PSD3: variants seen among roughly 807,000 people sequenced by gnomAD.
PSD3 encodes pleckstrin and Sec7 domain containing 3, also known as PH and SEC7 domain-containing protein 3.
Under a neutral mutation model 105.5 loss-of-function variants are expected in PSD3, and 49 were observed. That is an observed-to-expected ratio of 0.46 (90% CI 0.37 to 0.59). PSD3 has a LOEUF of 0.59. Among genes scored for constraint, PSD3 ranks in the 20% least tolerant of loss-of-function variants. PSD3 has a pLI of 0.00. For synonymous variants in PSD3, 557 were observed against 457.8 expected, an observed-to-expected ratio of 1.22 and a Z score of -2.77; for missense variants, 1,561 against 1,263.8, an observed-to-expected ratio of 1.24 and a Z score of -3.57.
chr8:18,774,512 T>C (rs975648968), intron 8 of PSD3: 1 of 251,692 alleles, frequency 4.0e-6, no homozygotes, highest in Non-Finnish European at 7.8e-6. Flanking sequence ...AACACCTTTT[T>C]TTTTCCTCCA....
chr8:19,070,216 T>C (rs897847534), intron 1 of PSD3, among the ~76,000 whole-genome samples: 9 of 152,114 alleles, frequency 5.9e-5, no homozygotes, highest in African/African-American at 2.2e-4. Flanking sequence ...GTCCTGTAGA[T>C]AGCATTCGTT....
chr8:18,599,845 T>A (rs967292756), intron 12 of PSD3, among the ~76,000 whole-genome samples: 1 of 152,176 alleles, frequency 6.6e-6, no homozygotes, highest in East Asian at 1.9e-4. Flanking sequence ...CATGGAGGGA[T>A]GACGGTATAC....
chr8:18,983,743 A>G (rs974530054), intron 1 of PSD3, among the ~76,000 whole-genome samples: 2 of 152,084 alleles, frequency 1.3e-5, no homozygotes, highest in South Asian at 4.1e-4. Flanking sequence ...TCATGCCTGT[A>G]ATCCTACCAT....
At chr8:18,627,980 GA>G (rs1806615529) in intron 11 of PSD3, among the ~76,000 whole-genome samples, 1 of 151,948 alleles carries the variant, frequency 6.6e-6, no homozygotes, top group African/African-American at 2.4e-5. Context: ...GAGAGAAACG[GA>G]AGATATAAAA....
chr8:18,828,652 A>G (rs1190446048), intron 4 of PSD3, among the ~76,000 whole-genome samples: 1 of 151,862 alleles, frequency 6.6e-6, no homozygotes, highest in African/African-American at 2.4e-5. Context: ...CAATCAATCA[A>G]TACAAAGAAA....
intron 10 of PSD3, among the ~76,000 whole-genome samples, chr8:18,646,367 G>C (rs113947491): frequency 0.018 from 2,669 of 152,116 alleles, 79 homozygotes; most frequent in African/African-American, 0.06. Context: ...AGGATATACA[G>C]TTATTTAATG....
chr8:18,982,694 T>A (rs142513183), intron 1 of PSD3, among the ~76,000 whole-genome samples: 1 of 152,328 alleles, frequency 6.6e-6, no homozygotes, highest in African/African-American at 2.4e-5. Flanking sequence ...AGTGATATTC[T>A]GAAATAAATA....
intron 2 of PSD3, among the ~76,000 whole-genome samples, chr8:18,905,975 T>C (rs1819821053): frequency 6.6e-6 from 1 of 152,166 alleles, no homozygotes; most frequent in Non-Finnish European, 1.5e-5. Flanking sequence ...GCAAAAACAA[T>C]TATAACAATA....
chr8:18,826,630 A>G (rs187999445), intron 4 of PSD3, among the ~76,000 whole-genome samples: 1 of 152,376 alleles, frequency 6.6e-6, no homozygotes, highest in African/African-American at 2.4e-5. Context: ...ATTTTGGAAC[A>G]TCTACTGTGT....
chr8:18,812,967 T>C (rs1181778814), intron 4 of PSD3, among the ~76,000 whole-genome samples: 1 of 152,050 alleles, frequency 6.6e-6, no homozygotes, highest in African/African-American at 2.4e-5. Flanking sequence ...CAGTTTTGCT[T>C]GTGGTGTGGA....
intron 9 of PSD3, among the ~76,000 whole-genome samples, chr8:18,731,176 A>AACCC (rs1249903219): frequency 6.6e-6 from 1 of 152,154 alleles, no homozygotes; most frequent in Non-Finnish European, 1.5e-5. Context: ...GAATCGCTTG[A>AACCC]ACCCGGGAAG....
At chr8:19,009,313 T>C (rs1826847023) in intron 1 of PSD3, among the ~76,000 whole-genome samples, 1 of 152,242 alleles carries the variant, frequency 6.6e-6, no homozygotes. Context: ...GCTCAGTTTC[T>C]GCAACACGCA....
intron 15 of PSD3, among the ~76,000 whole-genome samples, chr8:18,538,547 C>G (rs140957777): frequency 7.2e-5 from 11 of 152,220 alleles, no homozygotes; most frequent in African/African-American, 2.6e-4. Context: ...GTAAAATAGT[C>G]TAAAGGTAAG....
intron 1 of PSD3, among the ~76,000 whole-genome samples, chr8:18,936,573 C>T (rs1395212977): frequency 6.6e-6 from 1 of 152,100 alleles, no homozygotes; most frequent in African/African-American, 2.4e-5. Context: ...ACCAGCCTGA[C>T]CTACATGGTG....
intron 11 of PSD3, among the ~76,000 whole-genome samples, chr8:18,622,528 T>G (rs978624574): frequency 1.3e-5 from 2 of 152,212 alleles, no homozygotes; most frequent in Non-Finnish European, 2.9e-5. Flanking sequence ...ATTGATTACC[T>G]CTGTAGTTTT....
intron 8 of PSD3, among the ~76,000 whole-genome samples, chr8:18,788,119 T>C (rs767888573): frequency 1.4e-3 from 219 of 152,266 alleles, no homozygotes; most frequent in Middle Eastern, 6.8e-3. Context: ...CCCCTTGTCT[T>C]AAAGAAAACC....
At chr8:18,782,084 T>C (rs1808689105) in intron 8 of PSD3, among the ~76,000 whole-genome samples, 1 of 152,168 alleles carries the variant, frequency 6.6e-6, no homozygotes, top group Non-Finnish European at 1.5e-5. Context: ...GATGGTGAAA[T>C]GTTTCTTTGC....
intron 2 of PSD3, among the ~76,000 whole-genome samples, chr8:18,885,801 T>C (rs1483459855): frequency 6.6e-6 from 1 of 152,182 alleles, no homozygotes; most frequent in Admixed American, 6.5e-5. Context: ...GAGAGAGAAA[T>C]AAATCTTGAA....
intron 8 of PSD3, among the ~76,000 whole-genome samples, chr8:18,771,961 T>C (rs780164574): frequency 2.6e-5 from 4 of 152,242 alleles, no homozygotes; most frequent in African/African-American, 9.6e-5. Flanking sequence ...TTTACTTACC[T>C]CAAACAAATG....
Sources: gnomAD v4.1 joint callset for allele counts (sites outside exome capture counted in the v4.1 genomes callset) on GRCh38, gnomAD v4.1.1 for gene constraint, MANE v1.5 for transcripts, NCBI Gene and HGNC (gene_info 2026-07-23, HGNC 2026-07-21) for gene names.